The following ANAPC1 variants were observed in gnomAD, a reference collection of about 807,000 sequenced individuals.
ANAPC1 encodes anaphase promoting complex subunit 1, also known as anaphase-promoting complex subunit 1.
A neutral mutation model predicts 208.0 loss-of-function variants in ANAPC1; 36 were observed. The observed-to-expected ratio is 0.17, with a 90% CI of 0.13 to 0.23. The LOEUF (loss-of-function observed/expected upper bound fraction) is 0.23, where lower values mean the gene tolerates loss of function less well. Among genes scored for constraint, ANAPC1 ranks in the 10% least tolerant of loss-of-function variants. The probability of loss-of-function intolerance (pLI) is 1.00; values close to 1 mark genes in which losing one functional copy is unlikely to be tolerated. For synonymous variants in ANAPC1, 378 were observed against 695.2 expected (o/e 0.54, Z 7.18); for missense variants, 942 against 2,011.6 (o/e 0.47, Z 10.17).
rs1328080035 is a variant in ANAPC1 at position 111,848,016 on chromosome 2, C to T, written c.1651-151G>A. On this transcript the variant is annotated intron_variant, in intron 14 of 47. Transcript: ENST00000341068. ...CTGCTCCAAGCCAAGCATGGTGGTG[C>T]ACACCTGTATAGTCCCAGCTACTCA... is the stretch of plus-strand genomic sequence containing the variant. 5.6e-6 allele frequency: 3 copies of T among 532,174 alleles called. No individual in the cohort carries two copies. The African/African-American group carries it at 5.8e-5, about 10-fold the overall frequency. The allele number at this position is 532,174 out of a possible 1,614,324, so 33.0% of individuals were successfully genotyped here.
At chr2:111,861,825 T>C (rs1251343738) in intron 10 of ANAPC1, among the ~76,000 whole-genome samples, 2 of 119,336 alleles carry the variant, frequency 1.7e-5, no homozygotes, top group African/African-American at 5.8e-5. Context: ...AATTAACTGT[T>C]TCTCCCCAGA....
chr2:111,844,871 G>C (rs1291715003), intron 16 of ANAPC1, among the ~76,000 whole-genome samples: 1 of 152,152 alleles, frequency 6.6e-6, no homozygotes, highest in East Asian at 1.9e-4. Flanking sequence ...AGGGGAAACA[G>C]GGTCTTCCTC....
chr2:111,853,185 T>C (rs1681506392), intron 13 of ANAPC1, among the ~76,000 whole-genome samples: 1 of 152,208 alleles, frequency 6.6e-6, no homozygotes, highest in South Asian at 2.1e-4. Context: ...GATTACTGTT[T>C]GCATAATATA....
chr2:111,848,412 A>AT (rs1387530902), intron 14 of ANAPC1, among the ~76,000 whole-genome samples: 1 of 150,960 alleles, frequency 6.6e-6, no homozygotes, highest in East Asian at 2.0e-4. Flanking sequence ...GGCTGACAAT[A>AT]TGCAAGGAAA....
chr2:111,844,882 T>C (rs1411962970), intron 16 of ANAPC1, among the ~76,000 whole-genome samples: 3 of 152,216 alleles, frequency 2.0e-5, no homozygotes, highest in African/African-American at 7.2e-5. Flanking sequence ...GGTCTTCCTC[T>C]GTCCCCAGGC....
chr2:111,797,227 CAT>C (rs1678210102), intron 34 of ANAPC1, among the ~76,000 whole-genome samples: 1 of 148,180 alleles, frequency 6.7e-6, no homozygotes, highest in Non-Finnish European at 1.5e-5. Flanking sequence ...TACTTGTACA[CAT>C]GTTTAATCTC....
chr2:111,836,967 C>CAA lies in ANAPC1; in HGVS notation c.2115+1469_2115+1470dup, dbSNP rs35164122. Among the ~76,000 whole-genome samples the CAA allele has an allele frequency of 2.0e-3, 267 of 135,278 alleles. 3 individuals are homozygous for CAA. Among genetic ancestry groups the CAA allele is most frequent in the Admixed American group, 9.2e-3 (124 of 13,526 alleles). The allele number at this position is 135,278 out of a possible 152,430, so 88.7% of individuals were successfully genotyped here. A position where few individuals can be genotyped will look rare whatever the true frequency, so the allele number is the denominator to read the frequency against. ...TGGATGACAGAGCAAGACTCCGTCTCAAAAAAAAAAAAAGAAAATATATAT... is the reference window on the plus strand; with the variant it reads ...TGGATGACAGAGCAAGACTCCGTCTCAAAAAAAAAAAAAAAGAAAATATATAT... On this transcript the variant is annotated intron_variant, in intron 18 of 47. Transcript: ENST00000341068.
At position 111,768,844 on chromosome 2, in the gene ANAPC1, ATTT is replaced by A. The variant is rs1461539271; in HGVS notation, c.*444_*446del. On this transcript the variant is annotated 3_prime_UTR_variant, in exon 48 of 48. Coordinates refer to ENST00000341068, the MANE Select transcript of ANAPC1 (RefSeq NM_022662.4). ...GCATTGTCACCAGAAGTACAAACTT[ATTT>A]TAGACAGGACAACTGTGACATCTGA... The A allele has an allele frequency of 6.5e-6, 1 of 153,008 alleles. No homozygotes were observed. The allele number at this position is 153,008 out of a possible 1,614,324, so 9.5% of individuals were successfully genotyped here. A position where few individuals can be genotyped will look rare whatever the true frequency, so the allele number is the denominator to read the frequency against.
In ANAPC1 at chr2:111,791,644, G is replaced by C. The variant is rs1573333107; in HGVS notation, c.4712+718C>G. Among the ~76,000 whole-genome samples, 4 of 151,690 alleles carry C rather than the reference G, an allele frequency of 2.6e-5. No individual in the cohort carries two copies. The South Asian group carries it at 8.3e-4, about 31-fold the overall frequency. On this transcript the variant is annotated intron_variant, in intron 38 of 47. Coordinates refer to ENST00000341068, the MANE Select transcript of ANAPC1 (RefSeq NM_022662.4). ...AAACATAATGTTGAGCAAAAGTAAA[G>C]TGCAAAAGGATACATCGTGTATAAT...
In ANAPC1 at chr2:111,805,788, T is replaced by C. The variant is rs1266124194; in HGVS notation, c.3924+14A>G. ...GTCCTAACTGAAGCATGGGAAGGCA[T>C]AGGCTATGCTTACCCCCAAGCAGAC... On this transcript the variant is annotated intron_variant, in intron 30 of 47. Coordinates refer to ENST00000341068, the MANE Select transcript of ANAPC1 (RefSeq NM_022662.4). The C allele has an allele frequency of 3.4e-5, 10 of 296,338 alleles. No homozygotes were observed. The highest frequency in any genetic ancestry group is 2.5e-4 in the Admixed American group (4 of 15,832). 18.4% of individuals were successfully genotyped at this position (296,338 alleles called of 1,614,324 possible). A position where few individuals can be genotyped will look rare whatever the true frequency, so the allele number is the denominator to read the frequency against.
intron 24 of ANAPC1, among the ~76,000 whole-genome samples, chr2:111,824,659 G>C (rs777305428): frequency 1.1e-4 from 17 of 152,140 alleles, no homozygotes; most frequent in Non-Finnish European, 1.9e-4. Context: ...AATGATTTCA[G>C]GTGTGTATGT....
intron 1 of ANAPC1, among the ~76,000 whole-genome samples, chr2:111,881,674 T>A (rs1683305169): frequency 1.3e-5 from 2 of 152,234 alleles, no homozygotes; most frequent in African/African-American, 4.8e-5. Flanking sequence ...ATAATTAGAT[T>A]GTCCTTCGAT....
At chr2:111,864,448 T>TAATATA (rs1558734893) in intron 8 of ANAPC1, among the ~76,000 whole-genome samples, 1 of 81,012 alleles carries the variant, frequency 1.2e-5, no homozygotes, top group Non-Finnish European at 3.0e-5. Flanking sequence ...AACTACTCTT[T>TAATATA]CATATATATA....
chr2:111,875,231 A>C (rs946924980), intron 3 of ANAPC1, among the ~76,000 whole-genome samples: 25 of 152,198 alleles, frequency 1.6e-4, no homozygotes, highest in Non-Finnish European at 2.5e-4. Context: ...AAAAATGTCC[A>C]TTTAAGTCCT....
At chr2:111,832,427 T>C (rs1450492147) in intron 20 of ANAPC1, among the ~76,000 whole-genome samples, 1 of 152,072 alleles carries the variant, frequency 6.6e-6, no homozygotes, top group Non-Finnish European at 1.5e-5. Context: ...CAAATTTCAG[T>C]ACCTTTAGCT....
At position 111,846,398 on chromosome 2, in the gene ANAPC1, T is replaced by C. The variant is rs1341602896; in HGVS notation, c.1852+740A>G. On this transcript the variant is annotated intron_variant, in intron 16 of 47. Coordinates refer to ENST00000341068, the MANE Select transcript of ANAPC1 (RefSeq NM_022662.4). ...CACAATTTATCTGAAAATTGAGATA[T>C]TTATTTTAAAATTAAAAACATCATT... Among the ~76,000 whole-genome samples, 5 of 28,440 alleles carry C rather than the reference T, an allele frequency of 1.8e-4. No homozygotes were observed. The East Asian group carries it at 4.9e-3, about 28-fold the overall frequency. 18.7% of individuals were successfully genotyped at this position (28,440 alleles called of 152,430 possible).
intron 21 of ANAPC1, among the ~76,000 whole-genome samples, chr2:111,827,050 C>CAAAT (rs2104447301): frequency 6.3e-5 from 1 of 15,968 alleles, no homozygotes; most frequent in African/African-American, 3.8e-4. Flanking sequence ...AAGAAACTGC[C>CAAAT]AGTTTTGCAA....
chr2:111,872,238 G>A, intron 6 of ANAPC1, among the ~76,000 whole-genome samples: 1 of 152,148 alleles, frequency 6.6e-6, no homozygotes, highest in Non-Finnish European at 1.5e-5. Context: ...CATCTATTGA[G>A]ATGATCATAT....
intron 47 of ANAPC1, among the ~76,000 whole-genome samples, chr2:111,771,534 G>A (rs1201128563): frequency 1.3e-5 from 2 of 150,042 alleles, no homozygotes; most frequent in Non-Finnish European, 3.0e-5. Flanking sequence ...ATGCCTTTGG[G>A]GGAGAAGCTA....
Sources: allele counts gnomAD v4.1 joint callset (sites outside exome capture counted in the v4.1 genomes callset), GRCh38; gene constraint gnomAD v4.1.1; transcripts MANE v1.5; gene names NCBI Gene and HGNC (gene_info 2026-07-23, HGNC 2026-07-21).